Variants in GMPR observed in about 807,000 individuals in gnomAD.
GMPR encodes GMP reductase 1.
GMPR carries 31 observed loss-of-function variants against 38.4 expected under a neutral mutation model. The ratio of observed to expected loss-of-function variants is 0.81; its 90% CI spans 0.61 to 1.09. The LOEUF (loss-of-function observed/expected upper bound fraction) is 1.09. GMPR is among the 50% of genes least tolerant of loss of function. The probability of loss-of-function intolerance (pLI) is 0.00; values close to 1 mark genes in which losing one functional copy is unlikely to be tolerated. For synonymous variants in GMPR, 162 were observed against 173.3 expected (o/e 0.93, Z 0.51); for missense variants, 468 against 453.7 (o/e 1.03, Z -0.29).
At chr6:16,254,765 A>G (rs1303458230) in intron 4 of GMPR, 30 bp downstream of exon 4, 2 of 1,538,822 alleles carry the variant, frequency 1.3e-6, no homozygotes, top group Non-Finnish European at 1.8e-6. Context: ...ACGGTAGAAC[A>G]TTCTCAAGAT....
chr6:16,295,082 C>A lies in GMPR; in HGVS notation c.934C>A (p.Leu312Met). 6.3e-7 allele frequency: 1 copy of A among 1,598,232 alleles called. No individual in the cohort carries two copies. ...CACTATCCTGGATATTCTCGGGGGA[C>A]TGAGGTCCACGTGCACCTACGTGGG... is the stretch of plus-strand genomic sequence containing the variant. ...ENTILDILGG[L>M]RSTCTYVGAA... Residue 312 changes from leucine to methionine, a missense_variant, in exon 9 of 9, where the codon CTG (leucine) becomes ATG (methionine). Transcript: ENST00000259727.
chr6:16,278,659 T>C lies in GMPR; in HGVS notation c.548-125T>C. 3 of 730,494 alleles carry C rather than the reference T, an allele frequency of 4.1e-6. No homozygotes were observed. The South Asian group carries it at 4.4e-5, about 11-fold the overall frequency. The allele number at this position is 730,494 out of a possible 1,614,324, so 45.3% of individuals were successfully genotyped here. ...GATGGGGCAGCCTGTTCCCCACATC[T>C]CCTCTGCCACAGAGGTTCACCCTGG... On this transcript the variant is annotated intron_variant, in intron 5 of 8. Coordinates refer to ENST00000259727, the MANE Select transcript of GMPR (RefSeq NM_006877.4).
chr6:16,260,824 G>A (rs1472670301), intron 4 of GMPR, among the ~76,000 whole-genome samples: 1 of 151,956 alleles, frequency 6.6e-6, no homozygotes, highest in Non-Finnish European at 1.5e-5. Flanking sequence ...GGATCAGAGA[G>A]ATACAGTCAT....
In GMPR at chr6:16,281,851, G is replaced by T. The variant is rs1759580544; in HGVS notation, c.654+2961G>T. Among the ~76,000 whole-genome samples the T allele has an allele frequency of 7.2e-5, 11 of 152,268 alleles. No individual in the cohort carries two copies. The South Asian group carries it at 2.3e-3, about 32-fold the overall frequency. On this transcript the variant is annotated intron_variant, in intron 6 of 8. Coordinates refer to ENST00000259727, the MANE Select transcript of GMPR (RefSeq NM_006877.4). ...TCAATGCTGAGAGGTCTCCTAGATGGGGTTAGGAGTTCCATTTAGCTGGAA... is the reference window on the plus strand; with the variant it reads ...TCAATGCTGAGAGGTCTCCTAGATGTGGTTAGGAGTTCCATTTAGCTGGAA...
At chr6:16,266,582 C>T (rs1385851508) in intron 4 of GMPR, among the ~76,000 whole-genome samples, 1 of 151,204 alleles carries the variant, frequency 6.6e-6, no homozygotes, top group Admixed American at 6.6e-5. Context: ...ATGGGTGGAT[C>T]ACCAGGTCAG....
chr6:16,240,608 C>G (rs1758629447), intron 1 of GMPR, among the ~76,000 whole-genome samples: 1 of 152,210 alleles, frequency 6.6e-6, no homozygotes, highest in Non-Finnish European at 1.5e-5. Context: ...TGCACTTCAG[C>G]CTGGACAACC....
At chr6:16,272,193 C>T (rs1182657550) in intron 4 of GMPR, among the ~76,000 whole-genome samples, 1 of 152,050 alleles carries the variant, frequency 6.6e-6, no homozygotes, top group Non-Finnish European at 1.5e-5. Context: ...GGTGACAGAG[C>T]AAGACTCCAT....
At chr6:16,253,934 C>T (rs989142630) in intron 3 of GMPR, among the ~76,000 whole-genome samples, 2 of 151,272 alleles carry the variant, frequency 1.3e-5, no homozygotes, top group Admixed American at 6.6e-5. Flanking sequence ...TTTTTAGTGG[C>T]GGGGTGGGGT....
intron 3 of GMPR, among the ~76,000 whole-genome samples, chr6:16,251,165 A>T (rs1758867252): frequency 6.6e-6 from 1 of 152,274 alleles, no homozygotes. Context: ...GTGAAAGGAC[A>T]TACAAAATAA....
chr6:16,279,133 C>T (rs1302325054), intron 6 of GMPR, among the ~76,000 whole-genome samples: 1 of 152,240 alleles, frequency 6.6e-6, no homozygotes, highest in African/African-American at 2.4e-5. Flanking sequence ...GATGTGCAGG[C>T]AGCTTTCAGA....
chr6:16,246,876 C>G lies in GMPR; in HGVS notation c.122C>G (p.Ser41Ter). Reference sequence around the variant, plus strand: ...GAACGCACCTTCACGTTTCGAAATTCAAAGCAGACCTACTCAGGGATTCCC... The same window carrying G: ...GAACGCACCTTCACGTTTCGAAATTGAAAGCAGACCTACTCAGGGATTCCC... Reference protein sequence around the residue: ...DLERTFTFRNSKQTYSGIPII... With the variant: ...DLERTFTFRN Residue 41 changes from serine to a stop codon, truncating the protein, a stop_gained, in exon 2 of 9, where the codon TCA becomes TGA. Coordinates refer to ENST00000259727, the MANE Select transcript of GMPR (RefSeq NM_006877.4). LOFTEE classifies it high-confidence loss of function. 1.9e-6 allele frequency: 3 copies of G among 1,613,416 alleles called. No individual in the cohort carries two copies. The highest frequency in any genetic ancestry group is 2.5e-6 in the Non-Finnish European group (3 of 1,179,488).
chr6:16,267,391 C>G (rs1159931422), intron 4 of GMPR, among the ~76,000 whole-genome samples: 1 of 151,736 alleles, frequency 6.6e-6, no homozygotes, highest in Non-Finnish European at 1.5e-5. Context: ...AGCTGTAACA[C>G]TCACTGTGAA....
At chr6:16,291,466 C>T (rs1305174049) in intron 8 of GMPR, among the ~76,000 whole-genome samples, 3 of 152,064 alleles carry the variant, frequency 2.0e-5, no homozygotes, top group Non-Finnish European at 4.4e-5. Context: ...TCCAGTGATC[C>T]ACCCACCTCG....
At chr6:16,290,673 A>G (rs762143894) in intron 8 of GMPR, 52 bp downstream of exon 8, 1 of 1,520,602 alleles carries the variant, frequency 6.6e-7, no homozygotes, top group Non-Finnish European at 9.1e-7. Context: ...TGCTTTTCTT[A>G]CGGAGATGGG....
At chr6:16,289,328 C>T (rs1467911754) in intron 7 of GMPR, among the ~76,000 whole-genome samples, 2 of 152,196 alleles carry the variant, frequency 1.3e-5, no homozygotes, top group Non-Finnish European at 2.9e-5. Context: ...AGTAGCAGTT[C>T]CTTAGTTAAT....
At chr6:16,245,725 G>A (rs9396657) in intron 1 of GMPR, among the ~76,000 whole-genome samples, 16,112 of 152,192 alleles carry the variant, frequency 0.11, 1,761 homozygotes, top group African/African-American at 0.27. Context: ...CAGCAACAGC[G>A]AGAAGCCACC....
At chr6:16,254,208 G>A (rs1422883926) in intron 3 of GMPR, among the ~76,000 whole-genome samples, 1 of 152,130 alleles carries the variant, frequency 6.6e-6, no homozygotes, top group East Asian at 1.9e-4. Context: ...TGGGATTACA[G>A]GCATGAGCCA....
rs1397546340 is a variant in GMPR at position 16,295,468 on chromosome 6, C to G, written c.*282C>G. ...CTTGCACCTTTCTCTTTTTCTCTTT[C>G]TCTCTCCCTTTCTTTGTTTTTCTTT... On this transcript the variant is annotated 3_prime_UTR_variant, in exon 9 of 9. Transcript: ENST00000259727. The G allele has an allele frequency of 6.1e-6, 2 of 327,996 alleles. No homozygotes were observed. The highest frequency in any genetic ancestry group is 1.1e-5 in the Non-Finnish European group (2 of 182,364). 20.3% of individuals were successfully genotyped at this position (327,996 alleles called of 1,614,324 possible).
In GMPR at chr6:16,256,211, G is replaced by A. The variant is rs568797434; in HGVS notation, c.465+1476G>A. Among the ~76,000 whole-genome samples, 13 of 136,070 alleles carry A rather than the reference G, an allele frequency of 9.6e-5. No individual in the cohort carries two copies. The East Asian group carries it at 1.8e-3, about 19-fold the overall frequency. 89.3% of individuals were successfully genotyped at this position (136,070 alleles called of 152,430 possible). On this transcript the variant is annotated intron_variant, in intron 4 of 8. Coordinates refer to ENST00000259727, the MANE Select transcript of GMPR (RefSeq NM_006877.4). ...AGCCTGGGCAACAGAGGGAGACTCC[G>A]TCTCAAAAAAAAAAAAAGAATTGGC...
Sources: gnomAD v4.1 joint callset for allele counts (sites outside exome capture counted in the v4.1 genomes callset) on GRCh38, gnomAD v4.1.1 for gene constraint, MANE v1.5 for transcripts, NCBI Gene and HGNC (gene_info 2026-07-23, HGNC 2026-07-21) for gene names.